The following SCLT1 variants were observed in gnomAD, a reference collection of about 807,000 sequenced individuals.
SCLT1 encodes sodium channel-associated protein 1.
SCLT1 carries 78 observed loss-of-function variants against 112.8 expected under a neutral mutation model. That is an observed-to-expected ratio of 0.69 (90% confidence interval 0.58 to 0.83). The LOEUF (loss-of-function observed/expected upper bound fraction) is 0.83. Among genes scored for constraint, SCLT1 ranks in the 40% least tolerant of loss-of-function variants. SCLT1 has a pLI of 0.00. For synonymous variants in SCLT1, 257 were observed against 254.7 expected, an observed-to-expected ratio of 1.01 and a Z score of -0.09; for missense variants, 747 against 770.4, an observed-to-expected ratio of 0.97 and a Z score of 0.36.
chr4:129,009,940 C>A (rs746384173), intron 5 of SCLT1, among the ~76,000 whole-genome samples: 1 of 152,162 alleles, frequency 6.6e-6, no homozygotes, highest in Non-Finnish European at 1.5e-5. Flanking sequence ...TGCAGGAGCT[C>A]TTTAGTTTAA....
chr4:129,086,513 T>C (rs1752409186), intron 1 of SCLT1, among the ~76,000 whole-genome samples: 1 of 152,126 alleles, frequency 6.6e-6, no homozygotes, highest in East Asian at 1.9e-4. Context: ...CCCAGCTCAG[T>C]CACTTACTAG....
At chr4:128,897,369 C>T (rs952712243) in intron 18 of SCLT1, among the ~76,000 whole-genome samples, 11 of 151,978 alleles carry the variant, frequency 7.2e-5, no homozygotes, top group Non-Finnish European at 1.5e-4. Context: ...GGCCAATATT[C>T]AATATTCTTA....
chr4:128,893,539 T>C (rs1733486731), intron 18 of SCLT1, among the ~76,000 whole-genome samples: 4 of 149,610 alleles, frequency 2.7e-5, no homozygotes, highest in African/African-American at 7.3e-5. Context: ...ATGACTAATA[T>C]ATAAAATCTC....
At chr4:128,988,099 T>C (rs1289481276) in intron 9 of SCLT1, among the ~76,000 whole-genome samples, 6 of 152,070 alleles carry the variant, frequency 3.9e-5, no homozygotes, top group Non-Finnish European at 7.4e-5. Context: ...AAAGGATGTT[T>C]ATTAGTAACA....
chr4:129,092,484 T>G (rs1037494985), intron 1 of SCLT1, among the ~76,000 whole-genome samples: 2 of 152,234 alleles, frequency 1.3e-5, no homozygotes, highest in Non-Finnish European at 2.9e-5. Context: ...TAATATTTGT[T>G]TAACACAATG....
At chr4:128,888,617 GAAC>G in intron 20 of SCLT1, 59 bp downstream of exon 20, 1 of 873,438 alleles carries the variant, frequency 1.1e-6, no homozygotes. Context: ...AGTTCCCTGG[GAAC>G]TTCTAAAAAA....
chr4:129,056,920 GA>G (rs1749449659), intron 2 of SCLT1, among the ~76,000 whole-genome samples: 1 of 152,218 alleles, frequency 6.6e-6, no homozygotes. Flanking sequence ...ATCTTAGGAA[GA>G]AAAAACTTTC....
intron 2 of SCLT1, among the ~76,000 whole-genome samples, chr4:129,081,540 A>G (rs540793951): frequency 1.2e-3 from 182 of 152,280 alleles, no homozygotes; most frequent in Non-Finnish European, 1.8e-3. Flanking sequence ...AATGTCTTAC[A>G]TGGCCAGAGC....
rs150907922 is a variant in SCLT1 at position 128,948,420 on chromosome 4, G to A, written c.1293+76C>T. ...CAAATAAAGGAATTGCTAGTAGATG[G>A]CATGATGGAGGCAGACAGTAATGTT... On this transcript the variant is annotated intron_variant, in intron 15 of 20. Coordinates refer to ENST00000281142, the MANE Select transcript of SCLT1 (RefSeq NM_144643.4). 3.1e-5 allele frequency: 47 copies of A among 1,528,322 alleles called. No individual in the cohort carries two copies. The Middle Eastern group carries it at 5.3e-4, about 17-fold the overall frequency. The allele number at this position is 1,528,322 out of a possible 1,614,324, so 94.7% of individuals were successfully genotyped here. A position where few individuals can be genotyped will look rare whatever the true frequency, so the allele number is the denominator to read the frequency against.
chr4:129,093,252 T>C lies in SCLT1; in HGVS notation c.-149A>G. ...CAATCTGCATCCTACTCACGCGGCA[T>C]CTACAGCCCCGCCACGCTTCTTTCC... On this transcript the variant is annotated 5_prime_UTR_variant, in exon 1 of 21. The change abolishes an upstream ATG in the 5' untranslated region. Transcript: ENST00000281142. The C allele has an allele frequency of 1.5e-6, 1 of 677,772 alleles. No individual in the cohort carries two copies. The highest frequency in any genetic ancestry group is 2.6e-6 in the Non-Finnish European group (1 of 380,588). 42.0% of individuals were successfully genotyped at this position (677,772 alleles called of 1,614,324 possible).
chr4:129,020,589 T>C (rs533366464), intron 5 of SCLT1, among the ~76,000 whole-genome samples: 19 of 152,158 alleles, frequency 1.2e-4, no homozygotes, highest in Non-Finnish European at 1.9e-4. Flanking sequence ...AAGGAGCAGC[T>C]ACATAGAGGG....
intron 17 of SCLT1, among the ~76,000 whole-genome samples, chr4:128,937,650 T>C (rs71612197): frequency 0.027 from 4,139 of 152,300 alleles, 80 homozygotes; most frequent in South Asian, 0.055. Flanking sequence ...AGCTCCAGTA[T>C]TAGTGAATGA....
intron 18 of SCLT1, among the ~76,000 whole-genome samples, chr4:128,902,607 A>G (rs1182874884): frequency 6.6e-6 from 1 of 152,190 alleles, no homozygotes; most frequent in Non-Finnish European, 1.5e-5. Flanking sequence ...GGAAGTTGCT[A>G]TGGGTGAGTC....
chr4:129,044,897 C>A (rs1748046624), intron 2 of SCLT1, among the ~76,000 whole-genome samples: 1 of 147,018 alleles, frequency 6.8e-6, no homozygotes, highest in Non-Finnish European at 1.5e-5. Flanking sequence ...CAAAACACCA[C>A]AATGCTATAG....
chr4:129,024,794 A>G (rs1300515917), intron 5 of SCLT1, among the ~76,000 whole-genome samples: 1 of 152,144 alleles, frequency 6.6e-6, no homozygotes, highest in Non-Finnish European at 1.5e-5. Context: ...GAAGTTAAAA[A>G]CTTTGAAAAA....
chr4:128,899,179 C>G (rs1284737423), intron 18 of SCLT1, among the ~76,000 whole-genome samples: 2 of 152,166 alleles, frequency 1.3e-5, no homozygotes, highest in South Asian at 2.1e-4. Context: ...TTTTATGAGG[C>G]CAGCATCATC....
intron 5 of SCLT1, among the ~76,000 whole-genome samples, chr4:129,032,993 A>C (rs972594145): frequency 8.5e-5 from 13 of 152,208 alleles, no homozygotes; most frequent in South Asian, 2.1e-4. Context: ...GTATATACCC[A>C]AAAAATTGTA....
chr4:128,932,012 C>T (rs1434149299), intron 18 of SCLT1, among the ~76,000 whole-genome samples: 1 of 150,838 alleles, frequency 6.6e-6, no homozygotes, highest in African/African-American at 2.4e-5. Flanking sequence ...GTCCATCTTC[C>T]TCTAAATTGA....
intron 5 of SCLT1, among the ~76,000 whole-genome samples, chr4:129,015,643 C>G (rs998304657): frequency 2.0e-5 from 3 of 152,168 alleles, no homozygotes; most frequent in Non-Finnish European, 4.4e-5. Flanking sequence ...CTTGCTGCCC[C>G]TACCACTTCT....
Sources: gnomAD v4.1 joint callset for allele counts (sites outside exome capture counted in the v4.1 genomes callset) on GRCh38, gnomAD v4.1.1 for gene constraint, MANE v1.5 for transcripts, NCBI Gene and HGNC (gene_info 2026-07-23, HGNC 2026-07-21) for gene names.